ZNF841: variants seen among roughly 807,000 people sequenced by gnomAD.
ZNF841 encodes TCONS_00006091.
In ZNF841, 11 loss-of-function variants were observed where a neutral mutation model predicts 13.0. That is an observed-to-expected ratio of 0.85 (90% confidence interval 0.53 to 1.40). The LOEUF (loss-of-function observed/expected upper bound fraction) is 1.40, where lower values mean the gene tolerates loss of function less well. Among genes scored for constraint, ZNF841 ranks in the 40% most tolerant of loss-of-function variants. The pLI, the probability that ZNF841 is intolerant of heterozygous loss-of-function variation, is 0.00. For missense variants in ZNF841, 1,068 were observed against 1,139.5 expected (o/e 0.94, Z 0.90); for synonymous variants, 369 against 381.6 (o/e 0.97, Z 0.38).
In ZNF841 at chr19:52,065,417, T is replaced by G. The variant is rs1443708349; in HGVS notation, c.2465A>C (p.Lys822Thr). The change falls in exon 7 of 7, where the codon AAA becomes ACA. Residue 822 changes from lysine to threonine, a missense_variant. Physicochemically the swap from Lys to Thr is moderately conservative, Grantham distance 78 (BLOSUM62 -1). Coordinates refer to ENST00000594440, the MANE Select transcript of ZNF841 (RefSeq NM_001136499.2). Reference sequence around the variant, plus strand: ...AAAAGCTTTACCACATTCATTACATTTATAAGGTTTCTCTCCAGTATGCAT... The same window carrying G: ...AAAAGCTTTACCACATTCATTACATGTATAAGGTTTCTCTCCAGTATGCAT... The part of the protein sequence containing the change: ...QMMHTGEKPY[K>T]CNECGKAFIE... 6.2e-7 allele frequency: 1 copy of G among 1,613,242 alleles called. No homozygotes were observed. The highest frequency in any genetic ancestry group is 8.5e-7 in the Non-Finnish European group (1 of 1,179,546).
rs118077934 is a variant in ZNF841, at chr19:52,095,282, G to A, written c.-270+293C>T. Among the ~76,000 whole-genome samples the A allele has an allele frequency of 8.3e-4, 126 of 152,264 alleles. 3 individuals are homozygous for A. The East Asian group carries it at 0.018, about 21-fold the overall frequency. ...GGTGGCGCGGAGAACGATGTCTCAC[G>A]ACAGGGAGGGTCTGCAGAATCCCAG... is the stretch of plus-strand genomic sequence containing the variant. On this transcript the variant is annotated intron_variant, in intron 1 of 6. Transcript: ENST00000594440.
downstream of ZNF841, among the ~76,000 whole-genome samples, chr19:52,061,457 C>G (rs995283200): frequency 6.6e-6 from 1 of 152,078 alleles, no homozygotes; most frequent in Non-Finnish European, 1.5e-5. Flanking sequence ...ATACCAAAAC[C>G]TAGCAATCTG....
At chr19:52,091,998 C>G (rs1009003712) in intron 2 of ZNF841, among the ~76,000 whole-genome samples, 1 of 151,980 alleles carries the variant, frequency 6.6e-6, no homozygotes, top group Non-Finnish European at 1.5e-5. Flanking sequence ...AAAAAATTAG[C>G]TGGGAGTGGT....
chr19:52,065,509 T>C lies in ZNF841; in HGVS notation c.2373A>G (p.Lys791=), dbSNP rs2087519173. The change falls in exon 7 of 7, where the codon AAA becomes AAG. Residue 791 remains lysine (K), a synonymous_variant. Coordinates refer to ENST00000594440, the MANE Select transcript of ZNF841 (RefSeq NM_001136499.2). ...ARHWSIHTGE[K]PYKCNECGKA... ...TGCCACACTCATTACATTTGTAAGG[T>C]TTCTCTCCAGTATGAATACTCCAAT... The C allele has an allele frequency of 1.2e-6, 2 of 1,613,184 alleles. No individual in the cohort carries two copies. Among genetic ancestry groups the C allele is most frequent in the South Asian group, 1.1e-5 (1 of 91,024 alleles).
chr19:52,085,233 G>C (rs1306242155), intron 3 of ZNF841, among the ~76,000 whole-genome samples: 1 of 152,138 alleles, frequency 6.6e-6, no homozygotes, highest in Non-Finnish European at 1.5e-5. Context: ...AAGACACAAA[G>C]GCTGGACGCT....
At chr19:52,058,781 CATA>C in the ZNF841 span, 8 of 153,234 alleles carry the variant, frequency 5.2e-5, no homozygotes, top group South Asian at 2.1e-4. Flanking sequence ...ATGAGGTTAT[CATA>C]ATAAGCATGG....
chr19:52,093,009 G>A (rs193083894), intron 2 of ZNF841, among the ~76,000 whole-genome samples: 3 of 152,220 alleles, frequency 2.0e-5, no homozygotes, highest in Non-Finnish European at 4.4e-5. Flanking sequence ...TCAGCTACTC[G>A]GGAGGCTGAG....
intron 4 of ZNF841, among the ~76,000 whole-genome samples, chr19:52,081,510 A>G (rs575853458): frequency 5.9e-5 from 9 of 152,250 alleles, no homozygotes; most frequent in Non-Finnish European, 1.2e-4. Flanking sequence ...TGAACTATGC[A>G]TGCAAAGAAG....
chr19:52,067,960 G>GA (rs1242595373), intron 6 of ZNF841, among the ~76,000 whole-genome samples: 3 of 151,896 alleles, frequency 2.0e-5, no homozygotes, highest in Admixed American at 6.6e-5. Context: ...TAATAGGAGA[G>GA]AAAAAAAGTT....
chr19:52,065,520 T>C lies in ZNF841; in HGVS notation c.2362A>G (p.Thr788Ala). 1 of 1,613,630 alleles carries C rather than the reference T, an allele frequency of 6.2e-7. No homozygotes were observed. Among genetic ancestry groups the C allele is most frequent in the African/African-American group, 1.3e-5 (1 of 74,872 alleles). The change falls in exon 7 of 7, where the codon ACT (threonine) becomes GCT (alanine). Residue 788 changes from threonine (T) to alanine (A), a missense_variant. Physicochemically the swap from Thr to Ala is moderately conservative, Grantham distance 58. Transcript: ENST00000594440. ...SGLARHWSIH[T>A]GEKPYKCNEC... ...TTACATTTGTAAGGTTTCTCTCCAG[T>C]ATGAATACTCCAATGACGTGCGAGG...
intron 2 of ZNF841, among the ~76,000 whole-genome samples, chr19:52,090,611 A>AAAAG (rs200379352): frequency 0.031 from 3,973 of 129,256 alleles, 279 homozygotes; most frequent in South Asian, 0.062. Context: ...GTCTCTTAAA[A>AAAAG]AAAGAAAGAA....
chr19:52,084,791 G>T lies in ZNF841; in HGVS notation c.11C>A (p.Pro4His). Residue 4 changes from proline (P) to histidine (H), a missense_variant, in exon 4 of 7, where the codon CCT becomes CAT. Transcript: ENST00000594440. MAL[P>H]QGSLTFRDVA... Reference sequence around the variant, plus strand: ...CCACCAAGATTATCACTTTACCTGAGGAAGAGCCATCCCTGGCTCCTTTTC... The same window carrying T: ...CCACCAAGATTATCACTTTACCTGATGAAGAGCCATCCCTGGCTCCTTTTC... 6.2e-7 allele frequency: 1 copy of T among 1,613,588 alleles called. No homozygotes were observed. The highest frequency in any genetic ancestry group is 1.3e-5 in the African/African-American group (1 of 75,004).
Position 52,068,032 on chromosome 19 carries a change from T to C in ZNF841, c.272-422A>G, listed in dbSNP as rs1600080485. ...CAGCAAGATATACTGTAATGGTAAATATTAACTAATAAATAATCATAATAT... is the reference window on the plus strand; with the variant it reads ...CAGCAAGATATACTGTAATGGTAAACATTAACTAATAAATAATCATAATAT... On this transcript the variant is annotated intron_variant, in intron 6 of 6. Transcript: ENST00000594440. Among the ~76,000 whole-genome samples the C allele has an allele frequency of 4.0e-5, 6 of 151,820 alleles. No homozygotes were observed. The South Asian group carries it at 1.2e-3, about 31-fold the overall frequency.
Position 52,065,020 on chromosome 19 carries a change from C to T in ZNF841, c.*87G>A, listed in dbSNP as rs1416626399. On this transcript the variant is annotated 3_prime_UTR_variant, in exon 7 of 7. Transcript: ENST00000594440. ...TCATCCAATCACCTCCCACTAGGCT[C>T]CACCTCCAATACTGGAGATTACTAC... The T allele has an allele frequency of 8.2e-7, 1 of 1,214,872 alleles. No individual in the cohort carries two copies. Among genetic ancestry groups the T allele is most frequent in the African/African-American group, 1.5e-5 (1 of 64,882 alleles). The allele number at this position is 1,214,872 out of a possible 1,614,324, so 75.3% of individuals were successfully genotyped here.
intron 4 of ZNF841, among the ~76,000 whole-genome samples, chr19:52,084,372 G>A (rs12611043): frequency 0.38 from 57,014 of 151,958 alleles, 11,412 homozygotes; most frequent in South Asian, 0.6. Context: ...TCTCCCCTTA[G>A]AGGCATCTTT....
intron 2 of ZNF841, among the ~76,000 whole-genome samples, 163 bp downstream of exon 2, chr19:52,093,683 C>A (rs180885598): frequency 2.2e-4 from 34 of 152,176 alleles, no homozygotes; most frequent in Admixed American, 5.9e-4. Flanking sequence ...TTGGATGCCA[C>A]CAAATCTTAT....
intron 1 of ZNF841, among the ~76,000 whole-genome samples, chr19:52,095,006 C>T (rs911167260): frequency 6.6e-6 from 1 of 152,014 alleles, no homozygotes; most frequent in African/African-American, 2.4e-5. Context: ...TCAGTTTTTC[C>T]TTTTGCTCCG....
intron 6 of ZNF841, among the ~76,000 whole-genome samples, chr19:52,069,980 G>T (rs2087694047): frequency 6.6e-6 from 1 of 152,162 alleles, no homozygotes; most frequent in Non-Finnish European, 1.5e-5. Flanking sequence ...TTCTAAGCTA[G>T]CTAACAGCAT....
chr19:52,062,199 G>T (rs547205041), downstream of ZNF841, among the ~76,000 whole-genome samples: 1 of 152,256 alleles, frequency 6.6e-6, no homozygotes, highest in South Asian at 2.1e-4. Context: ...GGGCAACAGG[G>T]TGGTGACATG....
Sources: gnomAD v4.1 joint callset for allele counts (sites outside exome capture counted in the v4.1 genomes callset) on GRCh38, gnomAD v4.1.1 for gene constraint, MANE v1.5 for transcripts, NCBI Gene and HGNC (gene_info 2026-07-23, HGNC 2026-07-21) for gene names.